Variants in SEC31B observed in about 807,000 individuals in gnomAD.
The protein encoded by SEC31B is protein transport protein Sec31B.
Under a neutral mutation model 135.0 loss-of-function variants are expected in SEC31B, and 113 were observed. The observed-to-expected ratio is 0.84, with a 90% CI of 0.72 to 0.98. The LOEUF (loss-of-function observed/expected upper bound fraction) is 0.98. Among genes scored for constraint, SEC31B ranks in the 50% least tolerant of loss-of-function variants. SEC31B has a pLI of 0.00. For missense variants in SEC31B, 1,296 were observed against 1,421.1 expected (o/e 0.91, Z 1.42); for synonymous variants, 508 against 549.4 (o/e 0.92, Z 1.05).
chr10:100,516,172 A>G lies in SEC31B; in HGVS notation c.127T>C (p.Leu43=). The change falls in exon 3 of 26, where the codon TTG becomes CTG. Residue 43 remains leucine, a synonymous_variant. Transcript: ENST00000370345. ...CTGAAATCAACCTCAAATATTTCCA[A>G]TGTGCCATTTGTGCTGAAGGAGGAA... The part of the protein sequence containing the change: ...LDSSFSTNGT[L]EIFEVDFRDP... 1 of 1,614,046 alleles carries G rather than the reference A, an allele frequency of 6.2e-7. No homozygotes were observed. The highest frequency in any genetic ancestry group is 8.5e-7 in the Non-Finnish European group (1 of 1,179,972).
Position 100,495,461 on chromosome 10 carries a change from G to C in SEC31B, c.2396C>G (p.Pro799Arg). Residue 799 changes from proline to arginine, a missense_variant, in exon 19 of 26, where the codon CCC becomes CGC. By Grantham distance (103) the Pro-to-Arg change is moderately radical. Coordinates refer to ENST00000370345, the MANE Select transcript of SEC31B (RefSeq NM_015490.4). ...LGQQSPPFPF[P>R]RIVVGATLHS... Reference sequence around the variant, plus strand: ...GAGGGTAGCTCCCACAACAATCCGGGGGAAGGGGAAAGGGGGAGACTGTTG... The same window carrying C: ...GAGGGTAGCTCCCACAACAATCCGGCGGAAGGGGAAAGGGGGAGACTGTTG... The C allele has an allele frequency of 6.2e-7, 1 of 1,614,050 alleles. No homozygotes were observed. The highest frequency in any genetic ancestry group is 1.7e-5 in the Admixed American group (1 of 60,012).
At position 100,507,498 on chromosome 10, in the gene SEC31B, G is replaced by T. The variant is rs369354730; in HGVS notation, c.709C>A (p.Arg237=). ...TCCCACAGCTGAATCACGGGAAGTC[G>T]ATCATCCTCTGAGCACAGCACTAAC... ...TQLVLCSEDD[R]LPVIQLWDLR... The change falls in exon 7 of 26, where the codon CGA becomes AGA. Residue 237 remains arginine (R), a synonymous_variant. Coordinates refer to ENST00000370345, the MANE Select transcript of SEC31B (RefSeq NM_015490.4). 9.9e-6 allele frequency: 16 copies of T among 1,614,202 alleles called. No individual in the cohort carries two copies. Among genetic ancestry groups the T allele is most frequent in the African/African-American group, 1.3e-5 (1 of 75,052 alleles).
Position 100,490,793 on chromosome 10 carries a change from C to T in SEC31B, c.2563G>A (p.Gly855Ser), listed in dbSNP as rs1430274089. ...TCACTTATATTCTGTGTCCTGGGAC[C>T]CTGATAAGGGCTAGGATGGGAAGGT... ...LAPSHPSPYQ[G>S]PRTQNISDYR... The change falls in exon 20 of 26, where the codon GGT becomes AGT. Residue 855 changes from glycine to serine, a missense_variant. Gly to Ser is a moderately conservative substitution (Grantham distance 56). Transcript: ENST00000370345. The T allele has an allele frequency of 1.9e-6, 3 of 1,611,232 alleles. No individual in the cohort carries two copies. The highest frequency in any genetic ancestry group is 1.1e-5 in the South Asian group (1 of 90,418).
chr10:100,502,524 A>T, intron 10 of SEC31B, 40 bp from the exon 11 acceptor site: 1 of 1,350,638 alleles, frequency 7.4e-7, no homozygotes, highest in Non-Finnish European at 1.0e-6. Context: ...TTATACCTTC[A>T]AGTCAAAAAG....
chr10:100,487,646 G>A lies in SEC31B; in HGVS notation c.3510C>T (p.Val1170=), dbSNP rs1223984769. The change falls in exon 26 of 26, where the codon GTC becomes GTT. Residue 1170 remains valine (V), a synonymous_variant. Coordinates refer to ENST00000370345, the MANE Select transcript of SEC31B (RefSeq NM_015490.4). ...CCAGCAGCTTATGAGCGATGATGAG[G>A]ACAGCCTTCAGGATAGGCATGAAGC... ...VSSFMPILKA[V]LIIAHKLLV 6.2e-7 allele frequency: 1 copy of A among 1,613,524 alleles called. No individual in the cohort carries two copies. Among genetic ancestry groups the A allele is most frequent in the Admixed American group, 1.7e-5 (1 of 59,972 alleles).
intron 3 of SEC31B, among the ~76,000 whole-genome samples, chr10:100,512,318 C>A (rs1260711831): frequency 2.0e-5 from 3 of 152,170 alleles, no homozygotes; most frequent in Admixed American, 6.5e-5. Flanking sequence ...TGATCTCTCA[C>A]CTCATTTACC....
intron 23 of SEC31B, 48 bp downstream of exon 23, chr10:100,489,204 G>T: frequency 6.4e-7 from 1 of 1,555,792 alleles, no homozygotes; most frequent in Non-Finnish European, 8.7e-7. Context: ...TGCACCCAAG[G>T]AGGGCTGGAA....
intron 11 of SEC31B, chr10:100,501,794 A>C (rs1468728340): frequency 5.8e-6 from 1 of 171,750 alleles, no homozygotes; most frequent in African/African-American, 2.4e-5. Context: ...GAACCCTAGG[A>C]CCCACTCCAA....
rs561655156 is a variant in SEC31B, at chr10:100,487,636, C to T, written c.3520G>A (p.Ala1174Thr). 81 of 1,613,096 alleles carry T rather than the reference C, an allele frequency of 5.0e-5. No homozygotes were observed. The Admixed American group carries it at 7.7e-4, about 15-fold the overall frequency. Residue 1174 changes from alanine (A) to threonine (T), a missense_variant, in exon 26 of 26, where the codon GCT becomes ACT. Transcript: ENST00000370345. Reference protein sequence around the residue: ...MPILKAVLIIAHKLLV With the variant: ...MPILKAVLIITHKLLV ...CTGGTTTAGACCAGCAGCTTATGAGCGATGATGAGGACAGCCTTCAGGATA... is the reference window on the plus strand; with the variant it reads ...CTGGTTTAGACCAGCAGCTTATGAGTGATGATGAGGACAGCCTTCAGGATA...
intron 3 of SEC31B, among the ~76,000 whole-genome samples, chr10:100,510,410 G>A (rs2133694770): frequency 6.6e-6 from 1 of 152,338 alleles, no homozygotes; most frequent in South Asian, 2.1e-4. Context: ...CTTCTAACAA[G>A]ATAATGCCAA....
intron 11 of SEC31B, among the ~76,000 whole-genome samples, chr10:100,501,124 A>G (rs1282494330): frequency 1.3e-5 from 2 of 152,024 alleles, no homozygotes; most frequent in Non-Finnish European, 2.9e-5. Flanking sequence ...AGGTGCCTGT[A>G]ATCCCAGCTA....
In SEC31B at chr10:100,497,295, T is replaced by C. The variant is rs1284912991; in HGVS notation, c.1991-15A>G. ...TCCCAGCATGTCTGCAGAGAGAGGGTAATTTCATTAATGGCACAGCTGCCC... is the reference window on the plus strand; with the variant it reads ...TCCCAGCATGTCTGCAGAGAGAGGGCAATTTCATTAATGGCACAGCTGCCC... On this transcript the variant is annotated splice_polypyrimidine_tract_variant and intron_variant, in intron 16 of 25. Coordinates refer to ENST00000370345, the MANE Select transcript of SEC31B (RefSeq NM_015490.4). 1.2e-6 allele frequency: 2 copies of C among 1,610,836 alleles called. No individual in the cohort carries two copies. Among genetic ancestry groups the C allele is most frequent in the South Asian group, 2.2e-5 (2 of 91,034 alleles).
At position 100,489,266 on chromosome 10, in the gene SEC31B, C is replaced by T. The variant is rs1388552090; in HGVS notation, c.3157G>A (p.Glu1053Lys). Reference sequence around the variant, plus strand: ...GTCCTTGTCACCTGCAGGCTGAGTTCTCCTGGAACTCCTGGGGGAGCATGA... The same window carrying T: ...GTCCTTGTCACCTGCAGGCTGAGTTTTCCTGGAACTCCTGGGGGAGCATGA... ...VSHAPPGVPG[E>K]LSLQLQHLPP... is the part of the protein sequence containing the mutation. The change falls in exon 23 of 26, where the codon GAA becomes AAA. Residue 1053 changes from glutamate to lysine, a missense_variant. By Grantham distance (56) the Glu-to-Lys change is moderately conservative (BLOSUM62 1). Coordinates refer to ENST00000370345, the MANE Select transcript of SEC31B (RefSeq NM_015490.4). 1 of 1,607,002 alleles carries T rather than the reference C, an allele frequency of 6.2e-7. No individual in the cohort carries two copies. The highest frequency in any genetic ancestry group is 1.3e-5 in the African/African-American group (1 of 74,468).
chr10:100,508,138 C>A, intron 5 of SEC31B, 87 bp from the exon 6 acceptor site: 2 of 1,525,900 alleles, frequency 1.3e-6, no homozygotes, highest in Non-Finnish European at 9.0e-7. Flanking sequence ...CAGCCACCCA[C>A]AGCAAGTCCA....
intron 19 of SEC31B, among the ~76,000 whole-genome samples, chr10:100,493,173 A>T (rs953043043): frequency 2.6e-5 from 4 of 152,132 alleles, no homozygotes; most frequent in African/African-American, 9.7e-5. Flanking sequence ...GGAGATCAAG[A>T]CCATCCTGGC....
chr10:100,505,342 A>G lies in SEC31B; in HGVS notation c.1179+19T>C. 3 of 1,612,894 alleles carry G rather than the reference A, an allele frequency of 1.9e-6. No homozygotes were observed. Among genetic ancestry groups the G allele is most frequent in the Non-Finnish European group, 1.7e-6 (2 of 1,179,398 alleles). ...CACACACACAAACACACACACACCT[A>G]TACATCCACTACACTTACAGCAAAT... On this transcript the variant is annotated intron_variant, in intron 10 of 25. Coordinates refer to ENST00000370345, the MANE Select transcript of SEC31B (RefSeq NM_015490.4).
At chr10:100,489,676 G>C in intron 22 of SEC31B, 27 bp downstream of exon 22, 1 of 1,614,148 alleles carries the variant, frequency 6.2e-7, no homozygotes, top group South Asian at 1.1e-5. Context: ...AATGTGCGAG[G>C]GAGTGGGTAG....
rs1306538263 is a variant in SEC31B at position 100,489,319 on chromosome 10, G to A, written c.3104C>T (p.Pro1035Leu). Reference sequence around the variant, plus strand: ...CACACTGGAGACAGGGGGCTGTGAGGGAAGAATCCCTTGTAGCTCAGGGGT... The same window carrying A: ...CACACTGGAGACAGGGGGCTGTGAGAGAAGAATCCCTTGTAGCTCAGGGGT... ...SLTPELQGIL[P>L]SQPPVSSVSH... Residue 1035 changes from proline (P) to leucine (L), a missense_variant, in exon 23 of 26, where the codon CCC becomes CTC. Physicochemically the swap from Pro to Leu is moderately conservative, Grantham distance 98. Transcript: ENST00000370345. 6.2e-7 allele frequency: 1 copy of A among 1,613,812 alleles called. No homozygotes were observed. The highest frequency in any genetic ancestry group is 8.5e-7 in the Non-Finnish European group (1 of 1,179,936).
In SEC31B at chr10:100,508,997, T is replaced by A. The variant is rs747467046; in HGVS notation, c.495+10A>T. 5.0e-6 allele frequency: 8 copies of A among 1,608,552 alleles called. No individual in the cohort carries two copies. In the Middle Eastern group the frequency reaches 5.0e-4, roughly 100 times the overall value. ...ACACTCCAGGGTTGGGTAGTGGGGG[T>A]GCTGCTCACCTGTGACTTGGATCCC... On this transcript the variant is annotated intron_variant, in intron 5 of 25. Coordinates refer to ENST00000370345, the MANE Select transcript of SEC31B (RefSeq NM_015490.4).
Sources: gnomAD v4.1 joint callset for allele counts (sites outside exome capture counted in the v4.1 genomes callset) on GRCh38, gnomAD v4.1.1 for gene constraint, MANE v1.5 for transcripts, NCBI Gene and HGNC (gene_info 2026-07-23, HGNC 2026-07-21) for gene names.